Variants in WDR27 observed in about 807,000 individuals in gnomAD.
WDR27 encodes WD repeat domain 27, also known as WD repeat-containing protein 27.
WDR27 carries 100 observed loss-of-function variants against 114.4 expected under a neutral mutation model. The observed-to-expected ratio is 0.87, with a 90% confidence interval of 0.74 to 1.03. The LOEUF (loss-of-function observed/expected upper bound fraction) is 1.03. Ranked by LOEUF, WDR27 falls within the 50% of genes least tolerant of loss-of-function variation. The pLI is 0.00. For missense variants in WDR27, 1,129 were observed against 1,092.9 expected (o/e 1.03, Z -0.47); for synonymous variants, 449 against 423.1 (o/e 1.06, Z -0.75).
chr6:169,478,995 C>T (rs1246303130), intron 25 of WDR27, among the ~76,000 whole-genome samples: 2 of 152,134 alleles, frequency 1.3e-5, no homozygotes, highest in East Asian at 1.9e-4. Flanking sequence ...TTAACTTTGT[C>T]CTTGGCAAAT....
intron 3 of WDR27, chr6:169,671,936 C>T (rs1225561752): frequency 5.4e-6 from 1 of 186,684 alleles, no homozygotes; most frequent in East Asian, 1.3e-4. Flanking sequence ...AATATTTCAA[C>T]TTTCCTACAT....
chr6:169,581,631 T>C (rs1803440618), intron 24 of WDR27, among the ~76,000 whole-genome samples: 1 of 152,230 alleles, frequency 6.6e-6, no homozygotes, highest in East Asian at 1.9e-4. Flanking sequence ...ACTGAAAAGA[T>C]GAATTAGGGC....
At chr6:169,452,570 AGAGAGGAGCCGTG>A (rs1784200484), downstream of WDR27, among the ~76,000 whole-genome samples, 1 of 74,914 alleles carries the variant, frequency 1.3e-5, no homozygotes, top group Non-Finnish European at 2.4e-5. Flanking sequence ...GCGTGGGGTC[AGAGAGGAGCCGTG>A]CGTGGGGTCA....
chr6:169,533,407 T>C (rs553959701), intron 25 of WDR27, among the ~76,000 whole-genome samples: 1 of 152,112 alleles, frequency 6.6e-6, no homozygotes, highest in Non-Finnish European at 1.5e-5. Context: ...CTTTTTTGCA[T>C]GGAAATAACA....
chr6:169,602,779 T>C (rs556069069), intron 22 of WDR27, among the ~76,000 whole-genome samples: 1 of 152,182 alleles, frequency 6.6e-6, no homozygotes, highest in African/African-American at 2.4e-5. Flanking sequence ...GAAATTCTTG[T>C]TATTTCTTGT....
intron 25 of WDR27, among the ~76,000 whole-genome samples, chr6:169,481,930 C>T (rs1788204293): frequency 2.0e-5 from 3 of 152,232 alleles, no homozygotes. Flanking sequence ...AGACCAAGAA[C>T]ACACCAATTC....
chr6:169,452,300 G>A (rs901006843), downstream of WDR27, among the ~76,000 whole-genome samples: 1 of 152,210 alleles, frequency 6.6e-6, no homozygotes, highest in African/African-American at 2.4e-5. Flanking sequence ...GGCGCAGGGC[G>A]CTCCTTGCTT....
intron 17 of WDR27, among the ~76,000 whole-genome samples, chr6:169,642,462 G>C (rs1055635146): frequency 6.6e-6 from 1 of 152,148 alleles, no homozygotes; most frequent in Non-Finnish European, 1.5e-5. Flanking sequence ...ATTCAGCCAC[G>C]AAAGAGGCCG....
chr6:169,488,859 T>G (rs1219609440), intron 25 of WDR27, among the ~76,000 whole-genome samples: 1 of 151,478 alleles, frequency 6.6e-6, no homozygotes, highest in East Asian at 1.9e-4. Flanking sequence ...TCTTTTGGAG[T>G]GTGAACTGAT....
chr6:169,613,766 G>GA (rs1056479589), intron 21 of WDR27, 110 bp from the exon 22 acceptor site: 1 of 984,466 alleles, frequency 1.0e-6, no homozygotes, highest in African/African-American at 1.6e-5. Flanking sequence ...TTAACACAAA[G>GA]TTTTTTTCTT....
intron 22 of WDR27, among the ~76,000 whole-genome samples, chr6:169,606,826 C>G (rs1219020814): frequency 2.0e-5 from 3 of 152,088 alleles, no homozygotes; most frequent in Non-Finnish European, 4.4e-5. Flanking sequence ...TGGGTATATA[C>G]CCAGTAATGG....
At chr6:169,609,591 C>T (rs554730781) in intron 22 of WDR27, among the ~76,000 whole-genome samples, 94 of 152,342 alleles carry the variant, frequency 6.2e-4, no homozygotes, top group Middle Eastern at 3.4e-3. Context: ...AGGCTGCACA[C>T]AGCTCAGGGA....
At chr6:169,589,181 A>G (rs1193171964) in intron 23 of WDR27, among the ~76,000 whole-genome samples, 1 of 152,194 alleles carries the variant, frequency 6.6e-6, no homozygotes, top group Non-Finnish European at 1.5e-5. Flanking sequence ...GTTTAGATTA[A>G]ATGGATAAGG....
chr6:169,607,762 C>G (rs775964190), intron 22 of WDR27, among the ~76,000 whole-genome samples: 1 of 152,132 alleles, frequency 6.6e-6, no homozygotes, highest in Non-Finnish European at 1.5e-5. Flanking sequence ...ACACTTGCAC[C>G]TCCTAAATAT....
chr6:169,645,968 C>T (rs766098402), intron 16 of WDR27, among the ~76,000 whole-genome samples: 55 of 146,136 alleles, frequency 3.8e-4, no homozygotes, highest in African/African-American at 1.1e-3. Context: ...CTAGTTCATA[C>T]GACTCACACT....
intron 25 of WDR27, among the ~76,000 whole-genome samples, chr6:169,517,799 G>A (rs1793861672): frequency 6.6e-6 from 1 of 152,248 alleles, no homozygotes; most frequent in Non-Finnish European, 1.5e-5. Flanking sequence ...TAGACACCAT[G>A]GTTTCTAATG....
chr6:169,587,411 GT>G lies in WDR27; in HGVS notation c.2425-4478del, dbSNP rs977052573. Among the ~76,000 whole-genome samples, 29 of 152,054 alleles carry G rather than the reference GT, an allele frequency of 1.9e-4. 1 individual carries two copies. In the Middle Eastern group the frequency reaches 0.014, roughly 71 times the overall value. On this transcript the variant is annotated intron_variant, in intron 23 of 25. Coordinates refer to ENST00000448612, the MANE Select transcript of WDR27 (RefSeq NM_182552.5). ...TTTTTGTATTTTTAATAGAGACGGG[GT>G]TTCACCATGTTAGCCAGGCTGGTCT...
intron 25 of WDR27, among the ~76,000 whole-genome samples, chr6:169,541,350 G>A (rs549191265): frequency 2.6e-5 from 4 of 152,278 alleles, no homozygotes; most frequent in East Asian, 3.9e-4. Flanking sequence ...GACCCACAAC[G>A]ATCTACTCTG....
At chr6:169,652,149 A>G in intron 13 of WDR27, 141 bp from the exon 14 acceptor site, 1 of 715,128 alleles carries the variant, frequency 1.4e-6, no homozygotes, top group Middle Eastern at 2.9e-4. Flanking sequence ...AAGAGGTTTC[A>G]TATCTGAAGT....
Sources: allele counts gnomAD v4.1 joint callset (sites outside exome capture counted in the v4.1 genomes callset), GRCh38; gene constraint gnomAD v4.1.1; transcripts MANE v1.5; gene names NCBI Gene and HGNC (gene_info 2026-07-23, HGNC 2026-07-21).